The following ASIC2 variants were observed in gnomAD, a reference collection of about 807,000 sequenced individuals.
ASIC2 encodes the protein acid-sensing ion channel 2.
A neutral mutation model predicts 57.3 loss-of-function variants in ASIC2; 25 were observed. The observed-to-expected ratio is 0.44, with a 90% confidence interval of 0.32 to 0.61. ASIC2 has a LOEUF of 0.61. Among genes scored for constraint, ASIC2 ranks in the 20% least tolerant of loss-of-function variants. ASIC2 has a pLI of 0.06. For synonymous variants in ASIC2, 319 were observed against 307.5 expected, an observed-to-expected ratio of 1.04 and a Z score of -0.39; for missense variants, 641 against 738.1, an observed-to-expected ratio of 0.87 and a Z score of 1.52.
intron 1 of ASIC2, among the ~76,000 whole-genome samples, chr17:33,177,428 A>C (rs1402640379): frequency 2.0e-5 from 3 of 152,166 alleles, no homozygotes; most frequent in African/African-American, 7.2e-5. Context: ...AAGGCAGAAA[A>C]ATGGTCTTAG....
chr17:33,272,053 GA>G (rs11301976), intron 1 of ASIC2, among the ~76,000 whole-genome samples: 1,156 of 69,716 alleles, frequency 0.017, 14 homozygotes, highest in African/African-American at 0.044. Context: ...CTTCTGCCCA[GA>G]GCACCTTGCC....
At chr17:33,623,761 C>T (rs1905886555) in intron 1 of ASIC2, among the ~76,000 whole-genome samples, 1 of 152,006 alleles carries the variant, frequency 6.6e-6, no homozygotes, top group African/African-American at 2.4e-5. Context: ...CATAACATTC[C>T]CTAACTACAT....
At chr17:33,720,539 A>G (rs1321564545) in intron 1 of ASIC2, among the ~76,000 whole-genome samples, 1 of 152,208 alleles carries the variant, frequency 6.6e-6, no homozygotes, top group Non-Finnish European at 1.5e-5. Context: ...TTTACTATAT[A>G]AAGGGTTCAG....
chr17:34,087,874 T>A (rs868388896), intron 1 of ASIC2, among the ~76,000 whole-genome samples: 1 of 152,258 alleles, frequency 6.6e-6, no homozygotes, highest in Non-Finnish European at 1.5e-5. Context: ...TTCTCGAGCC[T>A]TGGCTTTCAG....
chr17:33,195,095 G>T (rs140092667), intron 1 of ASIC2, among the ~76,000 whole-genome samples: 1 of 152,268 alleles, frequency 6.6e-6, no homozygotes, highest in African/African-American at 2.4e-5. Flanking sequence ...TTATTATTCA[G>T]CTGGCTTGCC....
intron 1 of ASIC2, chr17:34,069,309 C>CATTT (rs1555590328): frequency 3.4e-5 from 5 of 145,222 alleles, no homozygotes; most frequent in Admixed American, 2.1e-4. Flanking sequence ...TTCCTTCCTT[C>CATTT]CTTTCTTCCT....
chr17:33,411,287 G>A (rs1369200929), intron 1 of ASIC2, among the ~76,000 whole-genome samples: 4 of 152,080 alleles, frequency 2.6e-5, no homozygotes. Flanking sequence ...TTATATGGTT[G>A]TTACCATTTG....
intron 1 of ASIC2, among the ~76,000 whole-genome samples, chr17:33,502,624 C>T (rs1458447181): frequency 6.6e-6 from 1 of 152,172 alleles, no homozygotes; most frequent in Non-Finnish European, 1.5e-5. Context: ...GACCTGTGTC[C>T]AGGCTCACAT....
chr17:33,239,572 C>T (rs919055260), intron 1 of ASIC2, among the ~76,000 whole-genome samples: 7 of 152,158 alleles, frequency 4.6e-5, no homozygotes, highest in Admixed American at 1.3e-4. Context: ...AGTAAGAGTT[C>T]AATAACTGTT....
chr17:33,462,952 C>T (rs1225012020), intron 1 of ASIC2, among the ~76,000 whole-genome samples: 2 of 152,152 alleles, frequency 1.3e-5, no homozygotes, highest in African/African-American at 4.8e-5. Flanking sequence ...GCCACCTGTC[C>T]CTCCCACTTA....
intron 2 of ASIC2, among the ~76,000 whole-genome samples, chr17:33,100,482 C>A (rs749480170): frequency 1.3e-5 from 2 of 152,180 alleles, no homozygotes; most frequent in East Asian, 3.8e-4. Flanking sequence ...CCTTTAGATA[C>A]GCTTGTCCCC....
At chr17:34,019,053 G>A (rs768896538) in intron 1 of ASIC2, among the ~76,000 whole-genome samples, 9 of 151,988 alleles carry the variant, frequency 5.9e-5, no homozygotes, top group South Asian at 4.2e-4. Context: ...GACTACAGGC[G>A]CCCGCCACCA....
At chr17:33,477,079 T>C (rs1213049278) in intron 1 of ASIC2, among the ~76,000 whole-genome samples, 4 of 152,204 alleles carry the variant, frequency 2.6e-5, no homozygotes, top group Admixed American at 6.5e-5. Context: ...ATTTCATTAA[T>C]TTTGGTTGCT....
intron 1 of ASIC2, among the ~76,000 whole-genome samples, chr17:33,159,630 G>T (rs901084507): frequency 3.3e-5 from 5 of 152,164 alleles, no homozygotes; most frequent in Non-Finnish European, 7.4e-5. Flanking sequence ...AGGACTTTGG[G>T]TCCTAACGAA....
chr17:33,241,045 AC>A (rs1281994059), intron 1 of ASIC2, among the ~76,000 whole-genome samples: 2 of 151,946 alleles, frequency 1.3e-5, no homozygotes, highest in East Asian at 3.9e-4. Context: ...ATCATAGATC[AC>A]CTTTCATAGA....
intron 1 of ASIC2, among the ~76,000 whole-genome samples, chr17:34,110,819 T>G (rs550274795): frequency 6.6e-6 from 1 of 152,284 alleles, no homozygotes; most frequent in African/African-American, 2.4e-5. Context: ...CCCTAATCAG[T>G]CTCTGCCTTT....
chr17:33,238,559 C>A (rs1908383100), intron 1 of ASIC2, among the ~76,000 whole-genome samples: 1 of 152,214 alleles, frequency 6.6e-6, no homozygotes, highest in Non-Finnish European at 1.5e-5. Context: ...GATTTGACCT[C>A]ACCTCCTTTT....
At chr17:33,878,224 C>G (rs441891) in intron 1 of ASIC2, among the ~76,000 whole-genome samples, 135,892 of 152,272 alleles carry the variant, frequency 0.89, 60,868 homozygotes, top group African/African-American at 0.97. Flanking sequence ...AAGGAACACA[C>G]CTCCTCACCA....
chr17:34,105,044 AT>A (rs1317684368), intron 1 of ASIC2, among the ~76,000 whole-genome samples: 1 of 152,056 alleles, frequency 6.6e-6, no homozygotes, highest in Non-Finnish European at 1.5e-5. Flanking sequence ...GTTTGCTAGA[AT>A]TCACCTGTGA....
Sources: gnomAD v4.1 joint callset for allele counts (sites outside exome capture counted in the v4.1 genomes callset) on GRCh38, gnomAD v4.1.1 for gene constraint, MANE v1.5 for transcripts, NCBI Gene and HGNC (gene_info 2026-07-23, HGNC 2026-07-21) for gene names.